ODAD2: variants seen among roughly 807,000 people sequenced by gnomAD.
ODAD2 encodes outer dynein arm docking complex subunit 2, also known as outer dynein arm-docking complex subunit 2.
A neutral mutation model predicts 106.8 loss-of-function variants in ODAD2; 89 were observed. The observed-to-expected ratio is 0.83, with a 90% CI of 0.70 to 0.99. ODAD2 has a LOEUF of 0.99. ODAD2 is among the 50% of genes least tolerant of loss of function. The probability of loss-of-function intolerance (pLI) is 0.00; values close to 1 mark genes in which losing one functional copy is unlikely to be tolerated. For synonymous variants in ODAD2, 404 were observed against 436.2 expected, an observed-to-expected ratio of 0.93 and a Z score of 0.92; for missense variants, 1,168 against 1,238.5, an observed-to-expected ratio of 0.94 and a Z score of 0.85.
At chr10:27,941,570 C>G (rs1352087886) in intron 12 of ODAD2, among the ~76,000 whole-genome samples, 1 of 145,890 alleles carries the variant, frequency 6.9e-6, no homozygotes, top group Non-Finnish European at 1.5e-5. Context: ...ACCAACCAAA[C>G]CAAACAGCAC....
At chr10:27,953,202 A>C (rs1847489098) in intron 10 of ODAD2, among the ~76,000 whole-genome samples, 1 of 152,202 alleles carries the variant, frequency 6.6e-6, no homozygotes, top group African/African-American at 2.4e-5. Context: ...AAATGTTTTA[A>C]GTGCACAATA....
chr10:27,831,785 C>T (rs778705973), intron 19 of ODAD2, among the ~76,000 whole-genome samples: 2 of 152,264 alleles, frequency 1.3e-5, no homozygotes, highest in Non-Finnish European at 2.9e-5. Context: ...TCTGTAGTCC[C>T]AGCTGTGTGT....
At chr10:27,977,791 G>C (rs1299980592) in intron 7 of ODAD2, among the ~76,000 whole-genome samples, 1 of 152,120 alleles carries the variant, frequency 6.6e-6, no homozygotes, top group East Asian at 1.9e-4. Flanking sequence ...CACATGAAAA[G>C]ATGCATTCAA....
At chr10:27,887,033 T>A (rs1842267586) in intron 17 of ODAD2, among the ~76,000 whole-genome samples, 1 of 151,992 alleles carries the variant, frequency 6.6e-6, no homozygotes, top group Non-Finnish European at 1.5e-5. Context: ...ATACTTTAAA[T>A]GTAAATGGAA....
At chr10:27,989,760 A>G (rs1284914285) in intron 2 of ODAD2, among the ~76,000 whole-genome samples, 1 of 152,162 alleles carries the variant, frequency 6.6e-6, no homozygotes, top group African/African-American at 2.4e-5. Flanking sequence ...AGGTGGGAGG[A>G]TCACTTGAGC....
At position 27,935,104 on chromosome 10, in the gene ODAD2, G is replaced by A. The variant is rs1431485797; in HGVS notation, c.2401C>T (p.Pro801Ser). 6.2e-7 allele frequency: 1 copy of A among 1,613,848 alleles called. No homozygotes were observed. Among genetic ancestry groups the A allele is most frequent in the Non-Finnish European group, 8.5e-7 (1 of 1,179,912 alleles). ...VIVRKCGGIQ[P>S]LVNLLVGINQ... ...ATTCCAACAAGGAGGTTCACAAGTGGTTGAATGCCACCACATTTCCGGACA... is the reference window on the plus strand; with the variant it reads ...ATTCCAACAAGGAGGTTCACAAGTGATTGAATGCCACCACATTTCCGGACA... Residue 801 changes from proline (P) to serine (S), a missense_variant, in exon 16 of 20, where the codon CCA becomes TCA. Transcript: ENST00000305242.
At chr10:27,999,339 T>G (rs189531692), upstream of ODAD2, among the ~76,000 whole-genome samples, 322 of 152,224 alleles carry the variant, frequency 2.1e-3, 2 homozygotes, top group African/African-American at 7.4e-3. Flanking sequence ...TTTTACATTT[T>G]TCCATAGGCT....
intron 16 of ODAD2, among the ~76,000 whole-genome samples, chr10:27,923,715 A>G (rs1019672056): frequency 1.3e-5 from 2 of 152,008 alleles, no homozygotes; most frequent in African/African-American, 2.4e-5. Context: ...TGAGAAGCCA[A>G]TGGGGGATAA....
chr10:27,944,815 C>T lies in ODAD2; in HGVS notation c.1533+1G>A. The T allele has an allele frequency of 1.2e-6, 2 of 1,614,110 alleles. No individual in the cohort carries two copies. On this transcript the variant is annotated splice_donor_variant, in intron 11 of 19. Coordinates refer to ENST00000305242, the MANE Select transcript of ODAD2 (RefSeq NM_018076.5). LOFTEE classifies it high-confidence loss of function. ...GCATCCAAGGTGACAGAGCCACTCA[C>T]CTTACATTTGACTTCATCGGTTTCA... is the stretch of plus-strand genomic sequence containing the variant.
chr10:27,911,073 T>C (rs2133885247), intron 16 of ODAD2, among the ~76,000 whole-genome samples: 1 of 152,252 alleles, frequency 6.6e-6, no homozygotes, highest in Non-Finnish European at 1.5e-5. Context: ...AATACACAGA[T>C]TTTTTTCCAA....
At chr10:27,860,878 C>T (rs753884985) in intron 18 of ODAD2, 32 bp from the exon 19 acceptor site, 24 of 1,571,602 alleles carry the variant, frequency 1.5e-5, no homozygotes, top group African/African-American at 2.7e-5. Context: ...GGGATCTGTG[C>T]ATTGTAATGA....
At chr10:27,822,978 A>G (rs1192465861) in intron 19 of ODAD2, among the ~76,000 whole-genome samples, 1 of 152,192 alleles carries the variant, frequency 6.6e-6, no homozygotes, top group Non-Finnish European at 1.5e-5. Context: ...TTGGGTCTAT[A>G]GTATTGGGAG....
chr10:27,826,935 C>T (rs966244605), intron 19 of ODAD2, among the ~76,000 whole-genome samples: 2 of 152,028 alleles, frequency 1.3e-5, no homozygotes, highest in Admixed American at 6.6e-5. Flanking sequence ...TCCTTCTCAG[C>T]CAAACTTTTC....
intron 19 of ODAD2, among the ~76,000 whole-genome samples, 196 bp from the exon 20 acceptor site, chr10:27,812,821 C>G (rs12248984): frequency 6.0e-4 from 92 of 152,306 alleles, no homozygotes; most frequent in African/African-American, 2.2e-3. Context: ...GCACTTCTTA[C>G]CTTTCTGGAG....
At chr10:27,927,184 T>C (rs1189977089) in intron 16 of ODAD2, among the ~76,000 whole-genome samples, 1 of 152,142 alleles carries the variant, frequency 6.6e-6, no homozygotes, top group African/African-American at 2.4e-5. Flanking sequence ...ATGACATTTC[T>C]TATTCCTACT....
At chr10:27,915,054 A>G (rs1323949958) in intron 16 of ODAD2, among the ~76,000 whole-genome samples, 3 of 152,086 alleles carry the variant, frequency 2.0e-5, no homozygotes, top group African/African-American at 7.2e-5. Context: ...TCTTCCCCCA[A>G]ATTGATGGCA....
At chr10:27,964,281 C>A (rs1346769939) in intron 9 of ODAD2, among the ~76,000 whole-genome samples, 1 of 152,134 alleles carries the variant, frequency 6.6e-6, no homozygotes, top group Non-Finnish European at 1.5e-5. Context: ...TGTGCTAAAA[C>A]ACATAGTTGT....
At chr10:27,887,173 C>T (rs1448593485) in intron 17 of ODAD2, among the ~76,000 whole-genome samples, 1 of 151,852 alleles carries the variant, frequency 6.6e-6, no homozygotes, top group South Asian at 2.1e-4. Flanking sequence ...TGAAATAGGA[C>T]ATTCCATGCA....
intron 10 of ODAD2, among the ~76,000 whole-genome samples, chr10:27,955,699 GTGTGTGTGT>G (rs1847677368): frequency 8.8e-5 from 2 of 22,742 alleles, no homozygotes; most frequent in South Asian, 1.5e-3. Context: ...CAATTAAGGT[GTGTGTGTGT>G]GTGTGTGTGT....
Sources: allele counts gnomAD v4.1 joint callset (sites outside exome capture counted in the v4.1 genomes callset), GRCh38; gene constraint gnomAD v4.1.1; transcripts MANE v1.5; gene names NCBI Gene and HGNC (gene_info 2026-07-23, HGNC 2026-07-21).